Variants in ATP9B observed in about 807,000 individuals in gnomAD.
ATP9B encodes the protein probable phospholipid-transporting ATPase IIB.
A neutral mutation model predicts 146.1 loss-of-function variants in ATP9B; 110 were observed. The observed-to-expected ratio is 0.75, with a 90% confidence interval of 0.65 to 0.88. ATP9B has a LOEUF of 0.88. Among genes scored for constraint, ATP9B ranks in the 40% least tolerant of loss-of-function variants. ATP9B has a pLI of 0.00. For synonymous variants in ATP9B, 604 were observed against 569.7 expected, an observed-to-expected ratio of 1.06 and a Z score of -0.86; for missense variants, 1,499 against 1,496.4, an observed-to-expected ratio of 1.00 and a Z score of -0.03.
At chr18:79,325,581 G>A (rs2096739697) in intron 15 of ATP9B, among the ~76,000 whole-genome samples, 1 of 152,182 alleles carries the variant, frequency 6.6e-6, no homozygotes, top group Non-Finnish European at 1.5e-5. Context: ...AAATGTTTGG[G>A]AAGTCACCTG....
chr18:79,099,412 G>A (rs372156607), intron 2 of ATP9B, among the ~76,000 whole-genome samples: 18 of 152,074 alleles, frequency 1.2e-4, no homozygotes, highest in East Asian at 7.7e-4. Flanking sequence ...AGTAGAGATG[G>A]GGTTTTGCCA....
At chr18:79,255,391 A>G (rs909193896) in intron 12 of ATP9B, 16 of 152,436 alleles carry the variant, frequency 1.0e-4, no homozygotes, top group Non-Finnish European at 2.2e-4. Flanking sequence ...CAGGCCCTTC[A>G]CACATTGCAT....
intron 17 of ATP9B, among the ~76,000 whole-genome samples, chr18:79,333,189 C>T (rs1002738722): frequency 2.0e-5 from 3 of 152,110 alleles, no homozygotes; most frequent in African/African-American, 2.4e-5. Flanking sequence ...CGGCTGTGCC[C>T]GGGTGGTTTC....
intron 17 of ATP9B, 144 bp from the exon 18 acceptor site, chr18:79,336,484 A>C (rs1359345250): frequency 1.5e-6 from 1 of 676,988 alleles, no homozygotes; most frequent in Non-Finnish European, 2.6e-6. Flanking sequence ...CCCTCTGCTG[A>C]GTTGTCTCTG....
At chr18:79,243,364 G>T (rs1465145558) in intron 11 of ATP9B, among the ~76,000 whole-genome samples, 1 of 152,212 alleles carries the variant, frequency 6.6e-6, no homozygotes, top group African/African-American at 2.4e-5. Flanking sequence ...GTTCTGATCA[G>T]CAAATATTTT....
At chr18:79,319,192 A>G (rs1222011274) in intron 15 of ATP9B, among the ~76,000 whole-genome samples, 1 of 152,246 alleles carries the variant, frequency 6.6e-6, no homozygotes, top group African/African-American at 2.4e-5. Context: ...GACCCATGTC[A>G]GACACTAAAA....
In ATP9B at chr18:79,256,286, T is replaced by TATATATATATATATATACACAC. The variant is rs398033647; in HGVS notation, c.1268+2746_1268+2747insTATATATATATATATACACACA. Among the ~76,000 whole-genome samples the TATATATATATATATATACACAC allele has an allele frequency of 1.1e-4, 13 of 123,050 alleles. 1 individual carries two copies. Among genetic ancestry groups the TATATATATATATATATACACAC allele is most frequent in the Middle Eastern group, 4.0e-3 (1 of 252 alleles). 80.7% of individuals were successfully genotyped at this position (123,050 alleles called of 152,430 possible). A position where few individuals can be genotyped will look rare whatever the true frequency, so the allele number is the denominator to read the frequency against. ...ATATATATATATATATATATATATA[T>TATATATATATATATATACACAC]ACATACATAGTGAGGCTATGTTATT... On this transcript the variant is annotated intron_variant, in intron 12 of 29. Coordinates refer to ENST00000426216, the MANE Select transcript of ATP9B (RefSeq NM_198531.5).
intron 9 of ATP9B, among the ~76,000 whole-genome samples, chr18:79,206,505 A>C (rs1207802528): frequency 6.6e-6 from 1 of 152,108 alleles, no homozygotes; most frequent in Non-Finnish European, 1.5e-5. Context: ...TTAAAGATGT[A>C]GTTGAATACG....
At chr18:79,211,261 GT>G (rs1317309743) in intron 10 of ATP9B, among the ~76,000 whole-genome samples, 2 of 152,186 alleles carry the variant, frequency 1.3e-5, no homozygotes, top group Non-Finnish European at 2.9e-5. Flanking sequence ...CATGGAAGTT[GT>G]TTGCTTAAAA....
Position 79,336,722 on chromosome 18 carries a change from T to C in ATP9B, c.2112+11T>C. The C allele has an allele frequency of 5.6e-6, 9 of 1,613,034 alleles. No individual in the cohort carries two copies. Among genetic ancestry groups the C allele is most frequent in the Non-Finnish European group, 7.6e-6 (9 of 1,179,254 alleles). ...TACCAGGACTTTGAGGTGAGCCGAC[T>C]CCCAGCCATCCCATCCTCCTACGAC... On this transcript the variant is annotated intron_variant, in intron 18 of 29. Coordinates refer to ENST00000426216, the MANE Select transcript of ATP9B (RefSeq NM_198531.5).
chr18:79,103,872 A>G (rs2075467065), intron 2 of ATP9B, among the ~76,000 whole-genome samples: 3 of 152,084 alleles, frequency 2.0e-5, no homozygotes, highest in South Asian at 4.1e-4. Flanking sequence ...TGAATTGATG[A>G]GTTTGTAGGG....
At chr18:79,265,322 T>C (rs1054286654) in intron 12 of ATP9B, among the ~76,000 whole-genome samples, 1 of 152,218 alleles carries the variant, frequency 6.6e-6, no homozygotes, top group Non-Finnish European at 1.5e-5. Flanking sequence ...CAGTCTGTCA[T>C]TGATGGGCAT....
At chr18:79,120,436 ATT>A (rs2094168774) in intron 4 of ATP9B, among the ~76,000 whole-genome samples, 1 of 152,346 alleles carries the variant, frequency 6.6e-6, no homozygotes, top group African/African-American at 2.4e-5. Flanking sequence ...TGATAGCTTA[ATT>A]AATAATATTT....
chr18:79,260,457 A>T (rs374175350), intron 12 of ATP9B, among the ~76,000 whole-genome samples: 1 of 152,182 alleles, frequency 6.6e-6, no homozygotes, highest in Non-Finnish European at 1.5e-5. Context: ...AGACCATTTC[A>T]GGGGCTGACT....
intron 8 of ATP9B, among the ~76,000 whole-genome samples, chr18:79,178,500 T>A (rs920979424): frequency 9.9e-5 from 15 of 152,182 alleles, no homozygotes; most frequent in Non-Finnish European, 2.2e-4. Context: ...TAATGCTAGC[T>A]GCAGCTTGTT....
chr18:79,078,508 T>C (rs2072879334), intron 1 of ATP9B, among the ~76,000 whole-genome samples: 1 of 152,230 alleles, frequency 6.6e-6, no homozygotes, highest in Non-Finnish European at 1.5e-5. Flanking sequence ...CATCTTGGTC[T>C]AGAACTGGAA....
intron 9 of ATP9B, among the ~76,000 whole-genome samples, chr18:79,204,407 G>A (rs989331933): frequency 5.3e-5 from 8 of 152,056 alleles, no homozygotes; most frequent in Non-Finnish European, 8.8e-5. Context: ...CTCCCTTCCT[G>A]ATACAAATAC....
chr18:79,240,000 G>A lies in ATP9B; in HGVS notation c.1108-13381G>A, dbSNP rs984895936. ...CCCGCGGTCTCTTCCTAGAGCTGCA[G>A]TCCCAAGCTTGCCTGCGCTCTCTGG... On this transcript the variant is annotated intron_variant, in intron 11 of 29. Coordinates refer to ENST00000426216, the MANE Select transcript of ATP9B (RefSeq NM_198531.5). The surrounding 1 kb of genome is among the most constrained non-coding windows in gnomAD (Gnocchi z 5.1). 5.9e-5 allele frequency among the ~76,000 whole-genome samples: 9 copies of A among 152,200 alleles called. No individual in the cohort carries two copies. The highest frequency in any genetic ancestry group is 1.7e-4 in the African/African-American group (7 of 41,452).
Position 79,240,919 on chromosome 18 carries a change from A to G in ATP9B, c.1108-12462A>G, listed in dbSNP as rs150017704. On this transcript the variant is annotated intron_variant, in intron 11 of 29. Coordinates refer to ENST00000426216, the MANE Select transcript of ATP9B (RefSeq NM_198531.5). ...GGAGCTGCTCGGTCTCCAAGCTGCC[A>G]TGAGCTGTGTGTTCTTGACCAAACA... Among the ~76,000 whole-genome samples, 285 of 152,326 alleles carry G rather than the reference A, an allele frequency of 1.9e-3. 6 individuals are homozygous for G. The East Asian group carries it at 0.053, about 28-fold the overall frequency.
Sources: gnomAD v4.1 joint callset for allele counts (sites outside exome capture counted in the v4.1 genomes callset) on GRCh38, gnomAD v4.1.1 for gene constraint, Gnocchi (gnomAD v3.1) non-coding constraint, MANE v1.5 for transcripts, NCBI Gene and HGNC (gene_info 2026-07-23, HGNC 2026-07-21) for gene names.